The following PLXNB2 variants were observed in gnomAD, a reference collection of about 807,000 sequenced individuals.
PLXNB2 encodes plexin-B2.
A neutral mutation model predicts 202.6 loss-of-function variants in PLXNB2; 85 were observed. That is an observed-to-expected ratio of 0.42 (90% CI 0.35 to 0.50). The LOEUF (loss-of-function observed/expected upper bound fraction) is 0.50, where lower values mean the gene tolerates loss of function less well. PLXNB2 is among the 20% of genes least tolerant of loss of function. The pLI is 0.02. For synonymous variants in PLXNB2, 1,239 were observed against 1,137.6 expected (o/e 1.09, Z -1.79); for missense variants, 2,063 against 2,586.2 (o/e 0.80, Z 4.39).
intron 2 of PLXNB2, among the ~76,000 whole-genome samples, chr22:50,293,983 C>T (rs1220400529): frequency 1.3e-5 from 2 of 152,242 alleles, no homozygotes; most frequent in Non-Finnish European, 2.9e-5. Flanking sequence ...CTACAGGTGG[C>T]AGCTGCCTTC....
rs2065957730 is a variant in PLXNB2 at position 50,281,156 on chromosome 22, C to T, written c.3696G>A (p.Glu1232=). 6.2e-7 allele frequency: 1 copy of T among 1,613,116 alleles called. No homozygotes were observed. Among genetic ancestry groups the T allele is most frequent in the African/African-American group, 1.3e-5 (1 of 74,922 alleles). The change falls in exon 23 of 37, where the codon GAG becomes GAA. Residue 1232 remains glutamate, a synonymous_variant. Transcript: ENST00000359337. ...RKSQQAEREY[E]KIKSQLEGLE... ...GGCCCTCCAGCTGGGACTTGATCTT[C>T]TCATACTCTCGTTCGGCCTGCTGGC...
chr22:50,278,017 T>G lies in PLXNB2; in HGVS notation c.4888-4A>C. ...CCACAAACTGCTGCAGTGTGCCCTG[T>G]GGGGGGGAGGGTCTCAGCGTGACGC... On this transcript the variant is annotated splice_region_variant and splice_polypyrimidine_tract_variant and intron_variant, in intron 31 of 36. Transcript: ENST00000359337. 1.3e-6 allele frequency: 2 copies of G among 1,548,760 alleles called. No individual in the cohort carries two copies. Among genetic ancestry groups the G allele is most frequent in the Non-Finnish European group, 1.7e-6 (2 of 1,144,244 alleles).
In PLXNB2 at chr22:50,276,863, G is replaced by A. The variant is rs752886171; in HGVS notation, c.5240C>T (p.Thr1747Ile). Residue 1747 changes from threonine (T) to isoleucine (I), a missense_variant, in exon 34 of 37, where the codon ACC (threonine) becomes ATC (isoleucine). Transcript: ENST00000359337. ...TTACTCCTCCACCATCTTCTTGTAG[G>A]TGGAGATCTCCTTGGCGTACAGCAG... ...NKLLYAKEISTYKKMVEDYYK... is the reference protein window; with the variant it reads ...NKLLYAKEISIYKKMVEDYYK... 1 of 1,607,226 alleles carries A rather than the reference G, an allele frequency of 6.2e-7. No individual in the cohort carries two copies. The highest frequency in any genetic ancestry group is 1.7e-5 in the Admixed American group (1 of 58,724).
chr22:50,286,600 G>A (rs1376458057), intron 8 of PLXNB2, among the ~76,000 whole-genome samples: 2 of 152,188 alleles, frequency 1.3e-5, no homozygotes, highest in Non-Finnish European at 2.9e-5. Context: ...CTCTGTTCCC[G>A]CAGGCACTGA....
chr22:50,278,586 A>G lies in PLXNB2; in HGVS notation c.4647+10T>C, dbSNP rs145193730. ...GCCCAGTTCTCGCCCGCCCCGGCCT[A>G]CACGCTCACATTGTAGTGCATAAGG... On this transcript the variant is annotated intron_variant, in intron 29 of 36. Coordinates refer to ENST00000359337, the MANE Select transcript of PLXNB2 (RefSeq NM_012401.4). 8.4e-4 allele frequency: 1,361 copies of G among 1,611,112 alleles called. 22 individuals are homozygous for G. The East Asian group carries it at 0.027, about 32-fold the overall frequency.
rs779224604 is a variant in PLXNB2, at chr22:50,279,633, G to C, written c.4386C>G (p.Pro1462=). The part of the protein sequence containing the change: ...GLLGDDVEYA[P]LTVSVIVQDE... ...GGCCCCCACCCCAGAAGCTCACCAG[G>C]GGTGCGTACTCCACATCATCCCCCA... Residue 1462 remains proline (P), a synonymous_variant, in exon 27 of 37, where the codon CCC becomes CCG. Transcript: ENST00000359337. 4 of 1,613,634 alleles carry C rather than the reference G, an allele frequency of 2.5e-6. No individual in the cohort carries two copies. Among genetic ancestry groups the C allele is most frequent in the South Asian group, 1.1e-5 (1 of 91,072 alleles).
At chr22:50,307,089 G>C (rs900373699) in intron 1 of PLXNB2, among the ~76,000 whole-genome samples, 1 of 152,162 alleles carries the variant, frequency 6.6e-6, no homozygotes, top group East Asian at 1.9e-4. Context: ...CCAGGTGCGG[G>C]TGCTCTCCGC....
rs746142716 is a variant in PLXNB2, at chr22:50,281,204, G to A, written c.3663-15C>T. The A allele has an allele frequency of 1.5e-4, 242 of 1,603,008 alleles. No individual in the cohort carries two copies. The highest frequency in any genetic ancestry group is 1.9e-4 in the Non-Finnish European group (227 of 1,173,550). On this transcript the variant is annotated splice_polypyrimidine_tract_variant and intron_variant, in intron 22 of 36. Coordinates refer to ENST00000359337, the MANE Select transcript of PLXNB2 (RefSeq NM_012401.4). ...GGCTCTTCCTCCTGCAAGGCACAGC[G>A]GGCCTCCTAGGTTCTGCCGGGGCTG...
intron 1 of PLXNB2, among the ~76,000 whole-genome samples, chr22:50,306,403 T>G (rs2067884083): frequency 6.6e-6 from 1 of 152,038 alleles, no homozygotes; most frequent in Non-Finnish European, 1.5e-5. Context: ...GACCCTCACC[T>G]CTGGACAGGA....
chr22:50,294,867 G>T, intron 1 of PLXNB2, 89 bp from the exon 2 acceptor site: 1 of 634,670 alleles, frequency 1.6e-6, no homozygotes, highest in Non-Finnish European at 2.0e-6. Context: ...TGGGGCTTGG[G>T]GGAAGAAACA....
At position 50,277,721 on chromosome 22, in the gene PLXNB2, C is replaced by G; in HGVS notation, c.5066G>C (p.Trp1689Ser). The change falls in exon 33 of 37, where the codon TGG becomes TCG. Residue 1689 changes from tryptophan to serine, a missense_variant. Transcript: ENST00000359337. ...GTGGGGGTTCTTGAGGATGTTCACC[C>G]AGAACCGGAGCGGTAAGCTGAGGCA... is the stretch of plus-strand genomic sequence containing the variant. Reference protein sequence around the residue: ...WKTNSLPLRFWVNILKNPHFI... With the variant: ...WKTNSLPLRFSVNILKNPHFI... The G allele has an allele frequency of 6.2e-7, 1 of 1,601,090 alleles. No homozygotes were observed.
At chr22:50,279,348 G>C (rs978160306) in intron 27 of PLXNB2, among the ~76,000 whole-genome samples, 7 of 152,238 alleles carry the variant, frequency 4.6e-5, no homozygotes, top group Non-Finnish European at 8.8e-5. Flanking sequence ...TGTATGCACA[G>C]AACCCTGGAC....
intron 1 of PLXNB2, among the ~76,000 whole-genome samples, chr22:50,295,742 C>T (rs2067215784): frequency 6.6e-6 from 1 of 152,108 alleles, no homozygotes; most frequent in Admixed American, 6.6e-5. Flanking sequence ...ATGGGGAAGC[C>T]TGGGTGCAGT....
rs1483197768 is a variant in PLXNB2 at position 50,288,778 on chromosome 22, C to A, written c.1345G>T (p.Asp449Tyr). Reference protein sequence around the residue: ...RVKRDLVLSGDLGSLYAMTQD... With the variant: ...RVKRDLVLSGYLGSLYAMTQD... ...GTCATGGCGTACAGGCTGCCCAGGTCTCCAGACAGTACCAGGTCGCGCTTG... is the reference window on the plus strand; with the variant it reads ...GTCATGGCGTACAGGCTGCCCAGGTATCCAGACAGTACCAGGTCGCGCTTG... Residue 449 changes from aspartate to tyrosine, a missense_variant, in exon 5 of 37, where the codon GAC becomes TAC. Coordinates refer to ENST00000359337, the MANE Select transcript of PLXNB2 (RefSeq NM_012401.4). The surrounding 1 kb of genome is among the most constrained non-coding windows in gnomAD (Gnocchi z 5.0). 3 of 1,613,074 alleles carry A rather than the reference C, an allele frequency of 1.9e-6. No individual in the cohort carries two copies. The highest frequency in any genetic ancestry group is 2.2e-5 in the East Asian group (1 of 44,876).
chr22:50,282,742 G>C lies in PLXNB2; in HGVS notation c.2956C>G (p.Arg986Gly), dbSNP rs1258871941. ...FFTYRENPVLRAFEPLRSFAS... is the reference protein window; with the variant it reads ...FFTYRENPVLGAFEPLRSFAS... ...AAGCTTCGTAGCGGCTCGAAGGCTC[G>C]CAGTACGGGGTTTTCGCGGTAGGTG... The change falls in exon 18 of 37, where the codon CGA (arginine) becomes GGA (glycine). Residue 986 changes from arginine (R) to glycine (G), a missense_variant. By Grantham distance (125) the Arg-to-Gly change is moderately radical. Coordinates refer to ENST00000359337, the MANE Select transcript of PLXNB2 (RefSeq NM_012401.4). 2 of 1,608,302 alleles carry C rather than the reference G, an allele frequency of 1.2e-6. No homozygotes were observed.
At chr22:50,305,817 G>C (rs987922585) in intron 1 of PLXNB2, among the ~76,000 whole-genome samples, 4 of 152,182 alleles carry the variant, frequency 2.6e-5, no homozygotes, top group Non-Finnish European at 5.9e-5. Context: ...GGTGGGGCGA[G>C]GGGGTCCCTG....
intron 23 of PLXNB2, 54 bp from the exon 24 acceptor site, chr22:50,281,027 C>T (rs1415889733): frequency 3.7e-5 from 59 of 1,598,754 alleles, no homozygotes; most frequent in East Asian, 6.7e-5. Flanking sequence ...CTGACCCCCA[C>T]GCTACACACA....
intron 33 of PLXNB2, among the ~76,000 whole-genome samples, chr22:50,277,220 G>T (rs2065667486): frequency 6.6e-6 from 1 of 151,476 alleles, no homozygotes. Context: ...AAAATCGCTT[G>T]AACCTAGAAG....
Position 50,291,912 on chromosome 22 carries a change from C to T in PLXNB2, c.-13-1315G>A, listed in dbSNP as rs1352186594. Among the ~76,000 whole-genome samples the T allele has an allele frequency of 2.0e-5, 3 of 152,196 alleles. No homozygotes were observed. The highest frequency in any genetic ancestry group is 4.4e-5 in the Non-Finnish European group (3 of 68,020). ...GGGTTACGAGGGATGGAGGCCCTGG[C>T]CTCCCCCACCTCCCTGTGCAGGCCC... On this transcript the variant is annotated intron_variant, in intron 2 of 36. Coordinates refer to ENST00000359337, the MANE Select transcript of PLXNB2 (RefSeq NM_012401.4). This position sits in a 1 kb window ranked among gnomAD's most constrained non-coding sequence, Gnocchi z 4.3.
Sources: gnomAD v4.1 joint callset for allele counts (sites outside exome capture counted in the v4.1 genomes callset) on GRCh38, gnomAD v4.1.1 for gene constraint, Gnocchi (gnomAD v3.1) non-coding constraint, MANE v1.5 for transcripts, NCBI Gene and HGNC (gene_info 2026-07-23, HGNC 2026-07-21) for gene names.